The following CHSY3 variants were observed in gnomAD, a reference collection of about 807,000 sequenced individuals.
CHSY3 encodes the protein N-acetylgalactosaminyl-proteoglycan 3-beta-glucuronosyltransferase 3.
In CHSY3, 35 loss-of-function variants were observed where a neutral mutation model predicts 67.2. That is an observed-to-expected ratio of 0.52 (90% CI 0.40 to 0.69). CHSY3 has a LOEUF of 0.69. Among genes scored for constraint, CHSY3 ranks in the 30% least tolerant of loss-of-function variants. The pLI is 0.00. For synonymous variants in CHSY3, 474 were observed against 434.7 expected, an observed-to-expected ratio of 1.09 and a Z score of -1.12; for missense variants, 1,069 against 1,138.5, an observed-to-expected ratio of 0.94 and a Z score of 0.88.
chr5:129,988,104 A>G (rs1763257328), intron 2 of CHSY3, among the ~76,000 whole-genome samples: 2 of 152,204 alleles, frequency 1.3e-5, no homozygotes, highest in Admixed American at 6.5e-5. Flanking sequence ...CATTTGCTTC[A>G]AAATGGCATT....
intron 2 of CHSY3, among the ~76,000 whole-genome samples, chr5:130,113,877 A>G (rs1314475458): frequency 1.3e-5 from 2 of 152,196 alleles, no homozygotes; most frequent in African/African-American, 4.8e-5. Flanking sequence ...CTATTAGTGG[A>G]GGCAATAAGA....
chr5:129,954,618 G>A (rs1191861982), intron 2 of CHSY3, among the ~76,000 whole-genome samples: 1 of 152,076 alleles, frequency 6.6e-6, no homozygotes, highest in Non-Finnish European at 1.5e-5. Flanking sequence ...CCATGAGCAT[G>A]GAGTGTTTTT....
chr5:129,966,118 G>A (rs943585739), intron 2 of CHSY3, among the ~76,000 whole-genome samples: 13 of 151,860 alleles, frequency 8.6e-5, no homozygotes. Context: ...CACCTTTAAA[G>A]TATTAGAAAT....
intron 2 of CHSY3, among the ~76,000 whole-genome samples, chr5:129,959,672 A>C (rs1434596252): frequency 6.6e-6 from 1 of 152,156 alleles, no homozygotes; most frequent in African/African-American, 2.4e-5. Flanking sequence ...TGGTTTCCAT[A>C]GATAGCATGT....
At chr5:130,094,833 G>A (rs891316579) in intron 2 of CHSY3, among the ~76,000 whole-genome samples, 2 of 151,994 alleles carry the variant, frequency 1.3e-5, no homozygotes, top group Admixed American at 1.3e-4. Context: ...TGTTTAGACT[G>A]GATACTATAA....
chr5:129,964,408 G>C (rs1762415714), intron 2 of CHSY3, among the ~76,000 whole-genome samples: 1 of 151,852 alleles, frequency 6.6e-6, no homozygotes, highest in Admixed American at 6.6e-5. Context: ...ATGAAGAGAA[G>C]AGGGTAATTA....
At chr5:130,121,116 T>G (rs1403200104) in intron 2 of CHSY3, among the ~76,000 whole-genome samples, 1 of 152,158 alleles carries the variant, frequency 6.6e-6, no homozygotes, top group Non-Finnish European at 1.5e-5. Context: ...GTCTTTATAG[T>G]GGTTCCCCAA....
In CHSY3 at chr5:129,996,369, G is replaced by A. The variant is rs192751521; in HGVS notation, c.1086+88009G>A. 8.1e-4 allele frequency among the ~76,000 whole-genome samples: 124 copies of A among 152,282 alleles called. 1 individual carries two copies. Among genetic ancestry groups the A allele is most frequent in the African/African-American group, 2.9e-3 (119 of 41,562 alleles). On this transcript the variant is annotated intron_variant, in intron 2 of 2. Transcript: ENST00000305031. ...ACAGGACTGTATTCATACACCAAAT[G>A]TGAGTGTCTCAAAAAATGGCACAAG...
intron 2 of CHSY3, among the ~76,000 whole-genome samples, chr5:129,944,789 CA>C (rs1306324105): frequency 1.3e-5 from 2 of 151,966 alleles, no homozygotes; most frequent in Non-Finnish European, 2.9e-5. Flanking sequence ...TTTTTTATTA[CA>C]AAAGTAATGC....
At position 130,168,851 on chromosome 5, in the gene CHSY3, A is replaced by T. The variant is rs73788428; in HGVS notation, c.1087-15378A>T. Among the ~76,000 whole-genome samples, 1,165 of 152,214 alleles carry T rather than the reference A, an allele frequency of 7.7e-3. 14 individuals are homozygous for T. Among genetic ancestry groups the T allele is most frequent in the African/African-American group, 0.027 (1,111 of 41,554 alleles). On this transcript the variant is annotated intron_variant, in intron 2 of 2. Coordinates refer to ENST00000305031, the MANE Select transcript of CHSY3 (RefSeq NM_175856.5). ...GCCAAAATTACACAGCTGTCTATGAATGTGTATAGTTAGTGCTTGTCTCCG... is the reference window on the plus strand; with the variant it reads ...GCCAAAATTACACAGCTGTCTATGATTGTGTATAGTTAGTGCTTGTCTCCG...
At chr5:130,125,110 C>T (rs1231084881) in intron 2 of CHSY3, among the ~76,000 whole-genome samples, 2 of 152,116 alleles carry the variant, frequency 1.3e-5, no homozygotes, top group Non-Finnish European at 2.9e-5. Context: ...AGAAGGAAGA[C>T]AGAAAATGCA....
intron 2 of CHSY3, among the ~76,000 whole-genome samples, chr5:130,055,908 C>CA (rs1357026710): frequency 6.6e-6 from 1 of 152,092 alleles, no homozygotes; most frequent in Non-Finnish European, 1.5e-5. Context: ...TACCAAGGGA[C>CA]AACGTATGAT....
At chr5:129,944,735 T>G (rs1465345801) in intron 2 of CHSY3, among the ~76,000 whole-genome samples, 1 of 152,212 alleles carries the variant, frequency 6.6e-6, no homozygotes, top group African/African-American at 2.4e-5. Flanking sequence ...AACAAATTTA[T>G]AGTGAGTATA....
intron 2 of CHSY3, among the ~76,000 whole-genome samples, chr5:130,015,832 T>C (rs1026223238): frequency 9.9e-5 from 15 of 152,172 alleles, no homozygotes; most frequent in African/African-American, 3.6e-4. Context: ...AGACTCAACC[T>C]TGGTGCCCAT....
At chr5:130,072,869 T>A (rs1003138078) in intron 2 of CHSY3, among the ~76,000 whole-genome samples, 1 of 152,170 alleles carries the variant, frequency 6.6e-6, no homozygotes, top group Non-Finnish European at 1.5e-5. Flanking sequence ...GTGGACATTA[T>A]GCTAAGTGAA....
At chr5:130,069,333 T>C (rs1267307458) in intron 2 of CHSY3, among the ~76,000 whole-genome samples, 1 of 151,984 alleles carries the variant, frequency 6.6e-6, no homozygotes, top group Admixed American at 6.6e-5. Context: ...TCCAATCTTA[T>C]GAACTTAAAT....
At chr5:130,057,480 A>G (rs1434268143) in intron 2 of CHSY3, among the ~76,000 whole-genome samples, 1 of 152,222 alleles carries the variant, frequency 6.6e-6, no homozygotes, top group East Asian at 1.9e-4. Flanking sequence ...AAAACTACAG[A>G]AAACTTAATG....
intron 2 of CHSY3, among the ~76,000 whole-genome samples, chr5:130,093,256 T>G (rs1469311116): frequency 1.3e-5 from 2 of 152,154 alleles, no homozygotes; most frequent in African/African-American, 4.8e-5. Flanking sequence ...ATAAGAGAAT[T>G]AAACACAGAT....
chr5:130,097,979 G>A (rs1767106143), intron 2 of CHSY3, among the ~76,000 whole-genome samples: 1 of 152,054 alleles, frequency 6.6e-6, no homozygotes, highest in African/African-American at 2.4e-5. Context: ...ACTCCAGCCT[G>A]GGCGACAGAG....
Sources: allele counts gnomAD v4.1 joint callset (sites outside exome capture counted in the v4.1 genomes callset), GRCh38; gene constraint gnomAD v4.1.1; transcripts MANE v1.5; gene names NCBI Gene and HGNC (gene_info 2026-07-23, HGNC 2026-07-21).